UPF2: variants seen among roughly 807,000 people sequenced by gnomAD.
The protein encoded by UPF2 is UPF2 regulator of nonsense mediated mRNA decay.
UPF2 carries 17 observed loss-of-function variants against 141.4 expected under a neutral mutation model. That is an observed-to-expected ratio of 0.12 (90% CI 0.08 to 0.18). The LOEUF is 0.18. Ranked by LOEUF, UPF2 falls within the 10% of genes least tolerant of loss-of-function variation. The probability of loss-of-function intolerance (pLI) is 1.00; values close to 1 mark genes in which losing one functional copy is unlikely to be tolerated. For synonymous variants in UPF2, 540 were observed against 498.0 expected, an observed-to-expected ratio of 1.08 and a Z score of -1.12; for missense variants, 1,152 against 1,515.9, an observed-to-expected ratio of 0.76 and a Z score of 3.99.
intron 16 of UPF2, 58 bp downstream of exon 16, chr10:11,948,311 A>G (rs912556288): frequency 1.3e-6 from 2 of 1,485,054 alleles, no homozygotes; most frequent in African/African-American, 2.8e-5. Context: ...TTTGGCTCAT[A>G]TAATCAAAAT....
chr10:12,026,662 T>C (rs1360049857), intron 3 of UPF2: 2 of 453,364 alleles, frequency 4.4e-6, no homozygotes, highest in South Asian at 3.1e-5. Context: ...TTTTTTTTTT[T>C]TTTTTAGGAC....
At chr10:12,004,813 A>G (rs111324278) in intron 4 of UPF2, 86 bp from the exon 5 acceptor site, 53 of 1,308,514 alleles carry the variant, frequency 4.1e-5, no homozygotes, top group Non-Finnish European at 5.5e-5. Flanking sequence ...TCAGTTTTAC[A>G]TCTATTGAAT....
At position 11,929,888 on chromosome 10, in the gene UPF2, A is replaced by G; in HGVS notation, c.3786T>C (p.Asp1262=). Residue 1262 remains aspartate, a synonymous_variant, in exon 21 of 22, where the codon GAT becomes GAC. Coordinates refer to ENST00000357604, the MANE Select transcript of UPF2 (RefSeq NM_015542.4). ...ACCTCCCACCAGTCTTAAAGATTAG[A>G]TCTGCATTAGGTGCTCCCTTCGGAT... The part of the protein sequence containing the change: ...YQHPKGAPNA[D]LIFKTGGRRR 6.2e-7 allele frequency: 1 copy of G among 1,614,208 alleles called. No homozygotes were observed. Among genetic ancestry groups the G allele is most frequent in the Non-Finnish European group, 8.5e-7 (1 of 1,180,038 alleles).
intron 8 of UPF2, among the ~76,000 whole-genome samples, chr10:11,983,987 G>A (rs1027951560): frequency 2.6e-5 from 4 of 151,734 alleles, no homozygotes; most frequent in South Asian, 4.2e-4. Context: ...GCAATGGCGC[G>A]ATCTCGGCTC....
At position 12,016,359 on chromosome 10, in the gene UPF2, C is replaced by T. The variant is rs1434457102; in HGVS notation, c.1146-2175G>A. Among the ~76,000 whole-genome samples the T allele has an allele frequency of 1.3e-5, 2 of 152,014 alleles. No homozygotes were observed. Among genetic ancestry groups the T allele is most frequent in the Admixed American group, 6.6e-5 (1 of 15,252 alleles). On this transcript the variant is annotated intron_variant, in intron 3 of 21. Coordinates refer to ENST00000357604, the MANE Select transcript of UPF2 (RefSeq NM_015542.4). This position sits in a 1 kb window ranked among gnomAD's most constrained non-coding sequence, Gnocchi z 4.1. ...GATTACAGGTGTGAGCCACCACACTCGGCCAAAATTAAATAAAATACTCGA... is the reference window on the plus strand; with the variant it reads ...GATTACAGGTGTGAGCCACCACACTTGGCCAAAATTAAATAAAATACTCGA...
At chr10:12,004,820 G>C in intron 4 of UPF2, 93 bp from the exon 5 acceptor site, 1 of 1,262,136 alleles carries the variant, frequency 7.9e-7, no homozygotes, top group Non-Finnish European at 1.1e-6. Flanking sequence ...TACATCTATT[G>C]AATCTTGAGT....
At chr10:12,024,609 C>T (rs1390135600) in intron 3 of UPF2, among the ~76,000 whole-genome samples, 4 of 151,372 alleles carry the variant, frequency 2.6e-5, no homozygotes, top group Admixed American at 2.0e-4. Context: ...AACCCCGTCT[C>T]GAAAAATTAA....
chr10:12,018,468 C>G (rs903096990), intron 3 of UPF2, among the ~76,000 whole-genome samples: 3 of 152,104 alleles, frequency 2.0e-5, no homozygotes, highest in Non-Finnish European at 1.5e-5. Context: ...GTAATCCCAG[C>G]TACTCAGGAG....
chr10:11,928,633 CG>C (rs1440518496), intron 21 of UPF2: 1 of 223,674 alleles, frequency 4.5e-6, no homozygotes, highest in Non-Finnish European at 9.1e-6. Context: ...GGCGTGAACC[CG>C]GGAGGCAGAG....
intron 6 of UPF2, 22 bp from the exon 7 acceptor site, chr10:12,000,031 A>C (rs778832266): frequency 2.6e-6 from 4 of 1,550,326 alleles, no homozygotes; most frequent in Non-Finnish European, 3.5e-6. Context: ...TTAGTTTTTA[A>C]ATAGGTTAAA....
intron 4 of UPF2, among the ~76,000 whole-genome samples, chr10:12,010,835 GA>G (rs1279592165): frequency 7.0e-6 from 1 of 142,388 alleles, no homozygotes; most frequent in Non-Finnish European, 1.6e-5. Context: ...AACAATGAGA[GA>G]AAAAAATATA....
chr10:11,938,860 T>TTTTTTG (rs1832893152), intron 18 of UPF2, among the ~76,000 whole-genome samples: 1 of 71,358 alleles, frequency 1.4e-5, no homozygotes, highest in Non-Finnish European at 2.5e-5. Context: ...TTTGTTTTTT[T>TTTTTTG]TTTTTTTTTT....
rs905028199 is a variant in UPF2, at chr10:11,998,153, G to A, written c.1759-396C>T. On this transcript the variant is annotated intron_variant, in intron 7 of 21. Coordinates refer to ENST00000357604, the MANE Select transcript of UPF2 (RefSeq NM_015542.4). The surrounding 1 kb of genome is among the most constrained non-coding windows in gnomAD (Gnocchi z 4.5). ...CCCAAAATATGGCTCTTTGGATGCTGAGTACTTCATTTGAACTAAGAAAAC... is the reference window on the plus strand; with the variant it reads ...CCCAAAATATGGCTCTTTGGATGCTAAGTACTTCATTTGAACTAAGAAAAC... Among the ~76,000 whole-genome samples the A allele has an allele frequency of 1.3e-5, 2 of 152,152 alleles. No individual in the cohort carries two copies. The highest frequency in any genetic ancestry group is 4.8e-5 in the African/African-American group (2 of 41,426).
At position 11,964,020 on chromosome 10, in the gene UPF2, T is replaced by C. The variant is rs948198509; in HGVS notation, c.2173A>G (p.Ser725Gly). The C allele has an allele frequency of 1.9e-6, 3 of 1,613,046 alleles. No individual in the cohort carries two copies. The highest frequency in any genetic ancestry group is 2.7e-5 in the African/African-American group (2 of 75,004). The change falls in exon 11 of 22, where the codon AGT becomes GGT. Residue 725 changes from serine (S) to glycine (G), a missense_variant. Coordinates refer to ENST00000357604, the MANE Select transcript of UPF2 (RefSeq NM_015542.4). ...CCTCAAGCCCTTACCAAAAGTACAC[T>C]GGTCCTCAGGTGAGATTCTGGAGAT... ...FRSPESHLRTSVLLEQMMRKK... is the reference protein window; with the variant it reads ...FRSPESHLRTGVLLEQMMRKK...
At chr10:11,978,004 C>T (rs765467775) in intron 9 of UPF2, among the ~76,000 whole-genome samples, 2 of 152,198 alleles carry the variant, frequency 1.3e-5, no homozygotes, top group Non-Finnish European at 2.9e-5. Context: ...ACAGACCATT[C>T]TCCTCTGCAA....
chr10:12,035,743 C>A, intron 1 of UPF2: 1 of 208,928 alleles, frequency 4.8e-6, no homozygotes. Flanking sequence ...CACTCAGATT[C>A]AGCCACTATC....
At chr10:11,926,939 T>A (rs1399595495) in intron 21 of UPF2, among the ~76,000 whole-genome samples, 2 of 152,134 alleles carry the variant, frequency 1.3e-5, no homozygotes, top group East Asian at 1.9e-4. Flanking sequence ...CACACGCACG[T>A]CGATGACAGC....
chr10:11,948,424 G>A lies in UPF2; in HGVS notation c.3119C>T (p.Ala1040Val). The A allele has an allele frequency of 1.2e-6, 2 of 1,612,066 alleles. No homozygotes were observed. The highest frequency in any genetic ancestry group is 2.2e-5 in the East Asian group (1 of 44,812). The change falls in exon 16 of 22, where the codon GCT (alanine) becomes GTT (valine). Residue 1040 changes from alanine to valine, a missense_variant. Ala to Val is a moderately conservative substitution (Grantham distance 64). Around this residue, in one of 4 missense-constraint regions of UPF2, gnomAD observed 202 missense variants for 223.6 expected, o/e 0.90. Coordinates refer to ENST00000357604, the MANE Select transcript of UPF2 (RefSeq NM_015542.4). ...EEDEEEEEGG[A>V]ETEEQSGNES... ...ATTTCCAGATTGTTCTTCTGTTTCA[G>A]CCCCACCTTCTTCTTCTTCTTCATC...
chr10:11,994,419 G>A (rs893567088), intron 8 of UPF2, among the ~76,000 whole-genome samples: 13 of 152,128 alleles, frequency 8.5e-5, no homozygotes, highest in Admixed American at 2.0e-4. Flanking sequence ...TCTTGTATAC[G>A]CAAAAGAATC....
Sources: allele counts gnomAD v4.1 joint callset (sites outside exome capture counted in the v4.1 genomes callset), GRCh38; gene constraint gnomAD v4.1.1; regional missense constraint gnomAD v4.1.1; non-coding constraint Gnocchi (gnomAD v3.1); transcripts MANE v1.5; gene names NCBI Gene and HGNC (gene_info 2026-07-23, HGNC 2026-07-21).